Variants in IL17REL observed in about 807,000 individuals in gnomAD.
IL17REL encodes the protein interleukin-17 receptor E-like protein.
IL17REL carries 36 observed loss-of-function variants against 49.0 expected under a neutral mutation model. The ratio of observed to expected loss-of-function variants is 0.73; its 90% CI spans 0.56 to 0.97. The LOEUF is 0.97. Ranked by LOEUF, IL17REL falls within the 50% of genes least tolerant of loss-of-function variation. IL17REL has a pLI of 0.00. For missense variants in IL17REL, 470 were observed against 453.9 expected, an observed-to-expected ratio of 1.04 and a Z score of -0.32; for synonymous variants, 206 against 192.4, an observed-to-expected ratio of 1.07 and a Z score of -0.58.
chr22:49,998,131 A>T lies in IL17REL; in HGVS notation c.774+6T>A, dbSNP rs377513965. ...CCACCCCCATCCCTGCTGAGCAGGCACTCACTCTGCGATGCACCAGCTGGC... is the reference window on the plus strand; with the variant it reads ...CCACCCCCATCCCTGCTGAGCAGGCTCTCACTCTGCGATGCACCAGCTGGC... On this transcript the variant is annotated splice_donor_region_variant and intron_variant, in intron 8 of 12. Transcript: ENST00000341280. The T allele has an allele frequency of 1.6e-5, 26 of 1,602,044 alleles. No individual in the cohort carries two copies. The highest frequency in any genetic ancestry group is 3.3e-4 in the Middle Eastern group (2 of 5,982).
At chr22:50,005,576 C>T (rs891016165) in intron 1 of IL17REL, among the ~76,000 whole-genome samples, 2 of 151,908 alleles carry the variant, frequency 1.3e-5, no homozygotes, top group Non-Finnish European at 1.5e-5. Context: ...TCGAGGCGGG[C>T]GGATCACTTC....
chr22:50,012,369 G>A (rs376844298), upstream of IL17REL, among the ~76,000 whole-genome samples: 3 of 152,258 alleles, frequency 2.0e-5, no homozygotes, highest in Admixed American at 6.5e-5. Flanking sequence ...GGAGCAGCTC[G>A]GCAGGGTCAG....
At chr22:50,011,390 G>C (rs1459792014), upstream of IL17REL, among the ~76,000 whole-genome samples, 1 of 151,888 alleles carries the variant, frequency 6.6e-6, no homozygotes, top group East Asian at 1.9e-4. Flanking sequence ...TGGACAGCGC[G>C]GTCACACCTC....
At chr22:49,998,416 A>C in intron 7 of IL17REL, 107 bp from the exon 10 acceptor site, 12 of 760,746 alleles carry the variant, frequency 1.6e-5, no homozygotes, top group Admixed American at 4.4e-5. Flanking sequence ...GGTCCAGCGC[A>C]GTCCTATGGG....
At chr22:49,997,231 G>T in intron 11 of IL17REL, 89 bp downstream of exon 13, 2 of 1,461,980 alleles carry the variant, frequency 1.4e-6, no homozygotes, top group Non-Finnish European at 1.9e-6. Flanking sequence ...CAGGGCCCGG[G>T]TGGGGCAGAG....
chr22:49,993,615 G>A (rs1319387810), downstream of IL17REL, among the ~76,000 whole-genome samples: 4 of 152,312 alleles, frequency 2.6e-5, no homozygotes, highest in African/African-American at 9.6e-5. This position sits in a 1 kb window ranked among gnomAD's most constrained non-coding sequence, Gnocchi z 6.0. Flanking sequence ...TAGGACAGCT[G>A]AGATCTGAAC....
chr22:49,993,280 C>A (rs748956671), downstream of IL17REL, among the ~76,000 whole-genome samples: 1 of 152,222 alleles, frequency 6.6e-6, no homozygotes, highest in Non-Finnish European at 1.5e-5. This position sits in a 1 kb window ranked among gnomAD's most constrained non-coding sequence, Gnocchi z 6.0. Context: ...AAGGCTCACC[C>A]GTGTTATACT....
chr22:50,010,419 C>A (rs1035266460), upstream of IL17REL, among the ~76,000 whole-genome samples: 3 of 152,340 alleles, frequency 2.0e-5, no homozygotes, highest in Admixed American at 2.0e-4. Context: ...ACAGAGGGAG[C>A]GGCGGAGGCA....
intron 1 of IL17REL, among the ~76,000 whole-genome samples, chr22:50,007,668 C>A (rs1249592616): frequency 6.6e-6 from 1 of 151,940 alleles, no homozygotes; most frequent in Non-Finnish European, 1.5e-5. Flanking sequence ...TGTGAGCCAC[C>A]GCATCAGCCA....
chr22:49,998,281 G>A (rs771451433), exon 8 of IL17REL: 30 of 1,610,098 alleles, frequency 1.9e-5, no homozygotes, highest in Non-Finnish European at 2.5e-5. Context: ...AGTAGACCGT[G>A]TCCCACAGCA....
intron 7 of IL17REL, 132 bp downstream of exon 9, chr22:49,999,159 C>T (rs2061058016): frequency 2.7e-6 from 3 of 1,119,758 alleles, no homozygotes; most frequent in Non-Finnish European, 4.1e-6. Context: ...GTGACAAGCC[C>T]TTCCGAGCAG....
exon 13 of IL17REL, chr22:49,995,197 C>A: frequency 6.6e-6 from 1 of 152,638 alleles, no homozygotes; most frequent in Non-Finnish European, 1.5e-5. Context: ...ACCCTGCACC[C>A]CAGAGCACTG....
chr22:49,999,194 C>T (rs2061058167), intron 7 of IL17REL, 97 bp downstream of exon 9: 15 of 1,439,152 alleles, frequency 1.0e-5, no homozygotes, highest in Non-Finnish European at 1.5e-5. Flanking sequence ...GCTGGGCCTG[C>T]TCCTTATCTC....
At position 50,000,490 on chromosome 22, in the gene IL17REL, G is replaced by A. The variant is rs145239165; in HGVS notation, c.322C>T (p.His108Tyr). ...CTGGGGACCCTACCTTCCACGAGGT[G>A]CCTCTGGTCCAGCTGGACCCCGCAG... is the stretch of plus-strand genomic sequence containing the variant. Residue 108 changes from histidine (H) to tyrosine (Y), a missense_variant, in exon 4 of 13, where the codon CAC (histidine) becomes TAC (tyrosine). Transcript: ENST00000341280. 4.5e-5 allele frequency: 73 copies of A among 1,612,602 alleles called. No homozygotes were observed. The African/African-American group carries it at 9.2e-4, about 20-fold the overall frequency.
upstream of IL17REL, among the ~76,000 whole-genome samples, chr22:50,010,166 G>C (rs2061131342): frequency 6.6e-6 from 1 of 152,228 alleles, no homozygotes; most frequent in Non-Finnish European, 1.5e-5. Context: ...CGCCTGCCAT[G>C]GCCACGAAAC....
chr22:49,996,819 G>T lies in IL17REL; in HGVS notation c.*86C>A, dbSNP rs563428681. 2.1e-5 allele frequency: 11 copies of T among 532,544 alleles called. No individual in the cohort carries two copies. In the East Asian group the frequency reaches 3.3e-4, roughly 16 times the overall value. The allele number at this position is 532,544 out of a possible 1,614,324, so 33.0% of individuals were successfully genotyped here. A position where few individuals can be genotyped will look rare whatever the true frequency, so the allele number is the denominator to read the frequency against. On this transcript the variant is annotated 3_prime_UTR_variant, in exon 13 of 13. Coordinates refer to ENST00000341280, the Ensembl canonical transcript of IL17REL. ...GGCACCCACTGGAGCGGAGGTTGCA[G>T]AGCTGCTGGGGGACGGAGAAGTGTA...
At chr22:50,000,690 G>C in intron 3 of IL17REL, 64 bp downstream of exon 4, 2 of 1,541,108 alleles carry the variant, frequency 1.3e-6, no homozygotes, top group Non-Finnish European at 1.8e-6. Flanking sequence ...GCCAGGGATG[G>C]CGCCCAGGAG....
intron 1 of IL17REL, among the ~76,000 whole-genome samples, chr22:50,006,968 A>G (rs2061113860): frequency 6.6e-6 from 1 of 151,126 alleles, no homozygotes; most frequent in Admixed American, 6.7e-5. Flanking sequence ...AAAAAAAAAA[A>G]AAAGGGAGGG....
At chr22:50,000,340 C>T (rs533559375) in intron 4 of IL17REL, 100 bp from the exon 6 acceptor site, 4 of 704,268 alleles carry the variant, frequency 5.7e-6, no homozygotes, top group Non-Finnish European at 9.7e-6. Context: ...CTCTGTCATG[C>T]GACCTCGAAT....
Sources: allele counts gnomAD v4.1 joint callset (sites outside exome capture counted in the v4.1 genomes callset), GRCh38; gene constraint gnomAD v4.1.1; non-coding constraint Gnocchi (gnomAD v3.1); transcripts MANE v1.5; gene names NCBI Gene and HGNC (gene_info 2026-07-23, HGNC 2026-07-21).